The following PLPPR1 variants were observed in gnomAD, a reference collection of about 807,000 sequenced individuals.
The protein encoded by PLPPR1 is phospholipid phosphatase-related protein type 1.
A neutral mutation model predicts 33.1 loss-of-function variants in PLPPR1; 10 were observed. The observed-to-expected ratio is 0.30, with a 90% CI of 0.19 to 0.51. The LOEUF (loss-of-function observed/expected upper bound fraction) is 0.51. PLPPR1 is among the 20% of genes least tolerant of loss of function. PLPPR1 has a pLI of 0.97. For synonymous variants in PLPPR1, 151 were observed against 151.0 expected (o/e 1.00, Z 0.00); for missense variants, 304 against 408.1 (o/e 0.74, Z 2.20).
At chr9:101,270,785 AGT>A (rs1408824654) in intron 3 of PLPPR1, among the ~76,000 whole-genome samples, 1 of 151,908 alleles carries the variant, frequency 6.6e-6, no homozygotes, top group Non-Finnish European at 1.5e-5. Context: ...TATTTGGGGG[AGT>A]TTTAAATTAA....
intron 2 of PLPPR1, among the ~76,000 whole-genome samples, chr9:101,210,241 T>C (rs1246983686): frequency 6.6e-6 from 1 of 152,180 alleles, no homozygotes; most frequent in African/African-American, 2.4e-5. Flanking sequence ...CTTGAAGAAA[T>C]TAATGTAGCC....
intron 1 of PLPPR1, among the ~76,000 whole-genome samples, chr9:101,086,262 C>T (rs10760788): frequency 0.68 from 103,338 of 151,958 alleles, 35,466 homozygotes; most frequent in East Asian, 0.89. Context: ...AAGAGTTTTA[C>T]TGGGGATCGG....
chr9:101,277,373 C>A (rs1828215878), intron 3 of PLPPR1, among the ~76,000 whole-genome samples: 1 of 152,138 alleles, frequency 6.6e-6, no homozygotes, highest in Non-Finnish European at 1.5e-5. Context: ...GAGATATCAG[C>A]AAATGTGATG....
chr9:101,178,508 GCCTTATCCA>G (rs1441947389), intron 1 of PLPPR1, among the ~76,000 whole-genome samples: 1 of 152,166 alleles, frequency 6.6e-6, no homozygotes, highest in East Asian at 1.9e-4. Context: ...CGTATGGAAT[GCCTTATCCA>G]CCATCATGGT....
At chr9:101,272,921 G>T (rs1193296843) in intron 3 of PLPPR1, among the ~76,000 whole-genome samples, 1 of 152,052 alleles carries the variant, frequency 6.6e-6, no homozygotes, top group Non-Finnish European at 1.5e-5. Flanking sequence ...ACATTTTCTA[G>T]ATTTATAAAA....
intron 3 of PLPPR1, among the ~76,000 whole-genome samples, chr9:101,271,575 A>G (rs899056718): frequency 2.0e-5 from 3 of 152,192 alleles, no homozygotes; most frequent in Non-Finnish European, 2.9e-5. Flanking sequence ...GAAAGCATAC[A>G]GGACACCTTT....
intron 5 of PLPPR1, 34 bp from the exon 6 acceptor site, chr9:101,312,764 G>T: frequency 1.9e-6 from 3 of 1,599,046 alleles, no homozygotes; most frequent in Non-Finnish European, 2.6e-6. Flanking sequence ...CAAGGCAGCT[G>T]CCTGGTCACT....
intron 1 of PLPPR1, among the ~76,000 whole-genome samples, chr9:101,110,934 G>A (rs190880604): frequency 1.3e-5 from 2 of 152,200 alleles, no homozygotes; most frequent in East Asian, 3.9e-4. Context: ...GGTCCCATAA[G>A]ATGTTCTTTT....
chr9:101,080,153 A>C (rs1324314591), intron 1 of PLPPR1, among the ~76,000 whole-genome samples: 1 of 152,102 alleles, frequency 6.6e-6, no homozygotes, highest in East Asian at 1.9e-4. Flanking sequence ...TCGATTTTTG[A>C]AATGTGAACA....
In PLPPR1 at chr9:101,042,526, T is replaced by C. The variant is rs548789771; in HGVS notation, c.-46+13424T>C. Among the ~76,000 whole-genome samples, 15 of 152,306 alleles carry C rather than the reference T, an allele frequency of 9.8e-5. 1 individual carries two copies. Among genetic ancestry groups the C allele is most frequent in the African/African-American group, 3.6e-4 (15 of 41,566 alleles). ...CATGCCACATTGGACACCATCCTGA[T>C]AATAATGATGGGTTACCTGCCAAGG... On this transcript the variant is annotated intron_variant, in intron 1 of 7. Transcript: ENST00000374874.
chr9:101,153,251 C>T (rs560267446), intron 1 of PLPPR1, among the ~76,000 whole-genome samples: 138 of 152,246 alleles, frequency 9.1e-4, no homozygotes, highest in African/African-American at 3.1e-3. Flanking sequence ...ATTTTGTATC[C>T]TGAGACTGCT....
intron 2 of PLPPR1, 116 bp downstream of exon 2, chr9:101,185,673 G>A (rs571132407): frequency 3.2e-6 from 2 of 620,792 alleles, no homozygotes; most frequent in East Asian, 2.9e-5. Context: ...AATTTTGATA[G>A]CACAAATATT....
intron 1 of PLPPR1, among the ~76,000 whole-genome samples, chr9:101,158,946 T>C (rs914114157): frequency 6.6e-6 from 1 of 152,218 alleles, no homozygotes; most frequent in Non-Finnish European, 1.5e-5. Context: ...TGGCATTGAA[T>C]GGACTCTCCA....
intron 6 of PLPPR1, among the ~76,000 whole-genome samples, chr9:101,315,247 C>T (rs75526198): frequency 0.018 from 2,760 of 152,236 alleles, 96 homozygotes; most frequent in African/African-American, 0.063. Flanking sequence ...TTCCCCCTAT[C>T]GCCTACTACC....
rs199647180 is a variant in PLPPR1 at position 101,238,349 on chromosome 9, G to GTATATATATATA, written c.64-31530_64-31529insATATATATATAT. Among the ~76,000 whole-genome samples, 1,018 of 132,926 alleles carry GTATATATATATA rather than the reference G, an allele frequency of 7.7e-3. 12 individuals carry two copies. The highest frequency in any genetic ancestry group is 0.014 in the African/African-American group (478 of 34,602). The allele number at this position is 132,926 out of a possible 152,430, so 87.2% of individuals were successfully genotyped here. A position where few individuals can be genotyped will look rare whatever the true frequency, so the allele number is the denominator to read the frequency against. ...TATATATACCTCTCTATATATAGAG[G>GTATATATATATA]TGTATATATATATATGGGTATATAT... On this transcript the variant is annotated intron_variant, in intron 2 of 7. Coordinates refer to ENST00000374874, the MANE Select transcript of PLPPR1 (RefSeq NM_207299.2).
chr9:101,101,996 C>A (rs2118555145), intron 1 of PLPPR1, among the ~76,000 whole-genome samples: 1 of 151,844 alleles, frequency 6.6e-6, no homozygotes, highest in South Asian at 2.1e-4. Context: ...TTATAAGTTA[C>A]TACCTTTTTC....
intron 1 of PLPPR1, among the ~76,000 whole-genome samples, chr9:101,152,820 A>T (rs1165786135): frequency 2.0e-5 from 3 of 152,196 alleles, no homozygotes; most frequent in Non-Finnish European, 4.4e-5. Flanking sequence ...TATAGTTTGA[A>T]GTCAGGTAGC....
rs1828340076 is a variant in PLPPR1 at position 101,283,589 on chromosome 9, T to C, written c.253-2515T>C. Among the ~76,000 whole-genome samples the C allele has an allele frequency of 2.0e-5, 3 of 152,308 alleles. No individual in the cohort carries two copies. The South Asian group carries it at 6.2e-4, about 32-fold the overall frequency. On this transcript the variant is annotated intron_variant, in intron 3 of 7. Transcript: ENST00000374874. Reference sequence around the variant, plus strand: ...GAAGAAAAGCTTCATGACATATGTCTGGGCAATAATTTTCTGGATATGAAC... The same window carrying C: ...GAAGAAAAGCTTCATGACATATGTCCGGGCAATAATTTTCTGGATATGAAC...
At chr9:101,301,359 TTC>T (rs1828748896) in intron 4 of PLPPR1, among the ~76,000 whole-genome samples, 1 of 152,174 alleles carries the variant, frequency 6.6e-6, no homozygotes, top group African/African-American at 2.4e-5. Flanking sequence ...TTACATCTAC[TTC>T]TCTCAGTTAT....
Sources: gnomAD v4.1 joint callset for allele counts (sites outside exome capture counted in the v4.1 genomes callset) on GRCh38, gnomAD v4.1.1 for gene constraint, MANE v1.5 for transcripts, NCBI Gene and HGNC (gene_info 2026-07-23, HGNC 2026-07-21) for gene names.